Variants in TMEM132D observed in about 807,000 individuals in gnomAD.
TMEM132D encodes the protein transmembrane protein 132D.
In TMEM132D, 21 loss-of-function variants were observed where a neutral mutation model predicts 62.3. That is an observed-to-expected ratio of 0.34 (90% CI 0.24 to 0.49). The LOEUF (loss-of-function observed/expected upper bound fraction) is 0.49. TMEM132D is among the 20% of genes least tolerant of loss of function. TMEM132D has a pLI of 0.99. For synonymous variants in TMEM132D, 621 were observed against 575.6 expected (o/e 1.08, Z -1.13); for missense variants, 1,346 against 1,402.8 (o/e 0.96, Z 0.65).
chr12:129,740,210 C>A (rs1312307076), intron 1 of TMEM132D, among the ~76,000 whole-genome samples: 4 of 152,120 alleles, frequency 2.6e-5, no homozygotes, highest in South Asian at 2.1e-4. Flanking sequence ...CTTCAATCAC[C>A]CCTTGGAAGA....
chr12:129,133,779 C>A, intron 5 of TMEM132D, among the ~76,000 whole-genome samples: 1 of 152,242 alleles, frequency 6.6e-6, no homozygotes, highest in East Asian at 1.9e-4. Flanking sequence ...AGTGAAGTAC[C>A]TCATTTCCTT....
chr12:129,329,835 G>A (rs1413407717), intron 4 of TMEM132D, among the ~76,000 whole-genome samples: 2 of 152,150 alleles, frequency 1.3e-5, no homozygotes, highest in Admixed American at 6.5e-5. Flanking sequence ...CGTGTGCCAG[G>A]AGAATACATC....
chr12:129,239,080 G>C (rs76836688), intron 4 of TMEM132D, among the ~76,000 whole-genome samples: 6 of 145,442 alleles, frequency 4.1e-5, no homozygotes, highest in African/African-American at 1.6e-4. Flanking sequence ...TTTCCCCAAT[G>C]ATTAAGGATG....
chr12:129,216,427 C>A (rs996028985), intron 4 of TMEM132D, among the ~76,000 whole-genome samples: 2 of 152,070 alleles, frequency 1.3e-5, no homozygotes, highest in East Asian at 1.9e-4. Flanking sequence ...GGTGTCCTTA[C>A]AAGAAGAGAA....
chr12:129,518,324 G>T (rs1222372594), intron 3 of TMEM132D, among the ~76,000 whole-genome samples: 3 of 152,112 alleles, frequency 2.0e-5, no homozygotes, highest in East Asian at 3.9e-4. Flanking sequence ...AAGATCATGA[G>T]AACACACATT....
At chr12:129,805,755 A>C (rs1291141314) in intron 1 of TMEM132D, among the ~76,000 whole-genome samples, 1 of 150,246 alleles carries the variant, frequency 6.7e-6, no homozygotes, top group Non-Finnish European at 1.5e-5. Flanking sequence ...GTGAACAGGC[A>C]ACCTACAGAA....
At chr12:129,451,976 T>C (rs1322614143) in intron 3 of TMEM132D, among the ~76,000 whole-genome samples, 3 of 152,188 alleles carry the variant, frequency 2.0e-5, no homozygotes, top group African/African-American at 7.2e-5. Flanking sequence ...CAAGTAGCAA[T>C]CTGCCATAGA....
At chr12:129,300,992 T>C (rs944078080) in intron 4 of TMEM132D, among the ~76,000 whole-genome samples, 1 of 152,156 alleles carries the variant, frequency 6.6e-6, no homozygotes, top group Non-Finnish European at 1.5e-5. Context: ...TGTGGTTACA[T>C]ACATACAAAT....
intron 4 of TMEM132D, among the ~76,000 whole-genome samples, chr12:129,287,633 C>T (rs1881337104): frequency 2.6e-5 from 4 of 152,144 alleles, no homozygotes; most frequent in Admixed American, 2.6e-4. Flanking sequence ...AGCACCTGAA[C>T]CAAATGCTCC....
intron 3 of TMEM132D, among the ~76,000 whole-genome samples, chr12:129,398,878 C>A (rs1593364607): frequency 1.6e-5 from 2 of 126,760 alleles, no homozygotes; most frequent in East Asian, 4.2e-4. Context: ...ATCCATCCAT[C>A]CACTGATTGT....
chr12:129,641,651 T>C (rs1460664994), intron 2 of TMEM132D, among the ~76,000 whole-genome samples: 2 of 152,120 alleles, frequency 1.3e-5, no homozygotes, highest in African/African-American at 4.8e-5. Context: ...TCCAGACAAA[T>C]CCCTCTGTTC....
intron 3 of TMEM132D, among the ~76,000 whole-genome samples, chr12:129,518,945 T>G (rs3867492): frequency 0.95 from 144,734 of 152,238 alleles, 69,196 homozygotes; most frequent in East Asian, 1. Context: ...CTGACATATC[T>G]CTTTTCTACA....
At chr12:129,476,510 G>A (rs1003253314) in intron 3 of TMEM132D, among the ~76,000 whole-genome samples, 7 of 152,164 alleles carry the variant, frequency 4.6e-5, no homozygotes, top group African/African-American at 1.4e-4. Context: ...CGTGTGCCGA[G>A]CCTGGGGTCA....
At chr12:129,655,743 T>TA (rs1240978787) in intron 2 of TMEM132D, among the ~76,000 whole-genome samples, 4 of 152,158 alleles carry the variant, frequency 2.6e-5, no homozygotes, top group African/African-American at 9.7e-5. Context: ...AATGAGCTGC[T>TA]ATCTGTTGAA....
rs148455655 is a variant in TMEM132D, at chr12:129,274,174, G to A, written c.1299+63460C>T. 3.6e-4 allele frequency among the ~76,000 whole-genome samples: 54 copies of A among 151,964 alleles called. 2 individuals carry two copies. The highest frequency in any genetic ancestry group is 1.1e-3 in the African/African-American group (46 of 41,244). ...GCATGAGAGTTAAAAGGAACTGGGA[G>A]AGTCTCTGTTCCCCCTGTGTCTCCA... On this transcript the variant is annotated intron_variant, in intron 4 of 8. Coordinates refer to ENST00000422113, the MANE Select transcript of TMEM132D (RefSeq NM_133448.3).
At chr12:129,783,539 T>C (rs1200542196) in intron 1 of TMEM132D, among the ~76,000 whole-genome samples, 1 of 152,198 alleles carries the variant, frequency 6.6e-6, no homozygotes, top group African/African-American at 2.4e-5. Flanking sequence ...ATTCCAGGCG[T>C]ACTTGTTTTC....
chr12:129,249,372 T>C (rs1177175434), intron 4 of TMEM132D, among the ~76,000 whole-genome samples: 6 of 152,232 alleles, frequency 3.9e-5, no homozygotes, highest in Admixed American at 2.0e-4. Context: ...TTTTAGCACA[T>C]ACTATTATAC....
At chr12:129,523,563 G>A (rs1875921450) in intron 3 of TMEM132D, among the ~76,000 whole-genome samples, 1 of 152,160 alleles carries the variant, frequency 6.6e-6, no homozygotes, top group Non-Finnish European at 1.5e-5. Flanking sequence ...AAGACGCGTG[G>A]CGGTAACTCA....
At chr12:129,229,213 C>A (rs141136148) in intron 4 of TMEM132D, among the ~76,000 whole-genome samples, 1 of 152,320 alleles carries the variant, frequency 6.6e-6, no homozygotes, top group Non-Finnish European at 1.5e-5. Context: ...TTTAAAATAA[C>A]AAGCTACTCT....
Sources: gnomAD v4.1 joint callset for allele counts (sites outside exome capture counted in the v4.1 genomes callset) on GRCh38, gnomAD v4.1.1 for gene constraint, MANE v1.5 for transcripts, NCBI Gene and HGNC (gene_info 2026-07-23, HGNC 2026-07-21) for gene names.